Variants in GAN observed in about 807,000 individuals in gnomAD.
GAN encodes epididymis secretory sperm binding protein.
In GAN, 48 loss-of-function variants were observed where a neutral mutation model predicts 71.3. The ratio of observed to expected loss-of-function variants is 0.67; its 90% CI spans 0.53 to 0.86. The LOEUF is 0.86. GAN is among the 40% of genes least tolerant of loss of function. The pLI is 0.00. For synonymous variants in GAN, 386 were observed against 276.8 expected (o/e 1.39, Z -3.92); for missense variants, 928 against 770.1 (o/e 1.21, Z -2.43).
At position 81,389,829 on chromosome 16, in the gene GAN, C is replaced by T. The variant is rs1043374444; in HGVS notation, c.*12233C>T. The T allele has an allele frequency of 1.3e-5, 2 of 152,218 alleles. No homozygotes were observed. Among genetic ancestry groups the T allele is most frequent in the Non-Finnish European group, 2.9e-5 (2 of 68,056 alleles). The allele number at this position is 152,218 out of a possible 1,614,324, so 9.4% of individuals were successfully genotyped here. A position where few individuals can be genotyped will look rare whatever the true frequency, so the allele number is the denominator to read the frequency against. ...GCTCATGCCAGTGTTGTGCTGGACC[C>T]TCGAGTATGTGACTGTCACCCTTGT... On this transcript the variant is annotated 3_prime_UTR_variant, in exon 11 of 11. Transcript: ENST00000648994.
intron 1 of GAN, among the ~76,000 whole-genome samples, chr16:81,335,618 A>C (rs1178848925): frequency 1.3e-5 from 2 of 151,906 alleles, no homozygotes; most frequent in Middle Eastern, 3.2e-3. Flanking sequence ...GTGGTGGCGC[A>C]CACTTGCAAT....
chr16:81,322,213 A>G (rs1262514314), intron 1 of GAN, among the ~76,000 whole-genome samples: 1 of 152,266 alleles, frequency 6.6e-6, no homozygotes, highest in Non-Finnish European at 1.5e-5. Context: ...ATTTGCTATT[A>G]TAGTGAAGGG....
At chr16:81,334,709 A>T (rs1157958142) in intron 1 of GAN, among the ~76,000 whole-genome samples, 1 of 152,188 alleles carries the variant, frequency 6.6e-6, no homozygotes, top group African/African-American at 2.4e-5. Flanking sequence ...TTCTCATTTG[A>T]GGACAAACCA....
At chr16:81,345,241 C>G (rs1910079010) in intron 1 of GAN, among the ~76,000 whole-genome samples, 1 of 152,174 alleles carries the variant, frequency 6.6e-6, no homozygotes, top group Admixed American at 6.5e-5. Flanking sequence ...CCCAGCAATC[C>G]CATTACTGGG....
intron 9 of GAN, among the ~76,000 whole-genome samples, chr16:81,366,486 T>A (rs2150692603): frequency 6.6e-6 from 1 of 152,296 alleles, no homozygotes; most frequent in East Asian, 1.9e-4. Context: ...GAAATTGCTG[T>A]GCTAAACGTA....
At chr16:81,365,234 G>A (rs1428094737) in intron 8 of GAN, 116 bp from the exon 9 acceptor site, 1 of 1,567,252 alleles carries the variant, frequency 6.4e-7, no homozygotes, top group Admixed American at 1.7e-5. Flanking sequence ...GGCATTTCCT[G>A]AGAAAGGAAG....
chr16:81,355,474 C>G (rs1567491872), intron 3 of GAN, among the ~76,000 whole-genome samples: 1 of 152,174 alleles, frequency 6.6e-6, no homozygotes, highest in Non-Finnish European at 1.5e-5. Context: ...AAGTGATCTT[C>G]CCACCTCAGC....
At chr16:81,373,948 G>C (rs1016653206) in intron 9 of GAN, among the ~76,000 whole-genome samples, 17 of 152,156 alleles carry the variant, frequency 1.1e-4, no homozygotes, top group African/African-American at 4.1e-4. Flanking sequence ...TCACCATGTT[G>C]GCCAGGATGG....
At chr16:81,318,157 CAA>C (rs1007844773) in intron 1 of GAN, among the ~76,000 whole-genome samples, 15 of 152,178 alleles carry the variant, frequency 9.9e-5, no homozygotes, top group African/African-American at 3.4e-4. Context: ...TATATTGAAA[CAA>C]AATATATTTA....
chr16:81,349,323 A>C (rs1239055879), intron 1 of GAN, among the ~76,000 whole-genome samples: 1 of 152,072 alleles, frequency 6.6e-6, no homozygotes, highest in African/African-American at 2.4e-5. Flanking sequence ...CAGATACTCC[A>C]AGTCAGTTAC....
chr16:81,328,239 G>C (rs985081233), intron 1 of GAN, among the ~76,000 whole-genome samples: 1 of 152,304 alleles, frequency 6.6e-6, no homozygotes, highest in Non-Finnish European at 1.5e-5. Context: ...GTTCTGAACA[G>C]TATACTTAAT....
chr16:81,330,535 A>C (rs1368600633), intron 1 of GAN, among the ~76,000 whole-genome samples: 1 of 152,256 alleles, frequency 6.6e-6, no homozygotes, highest in African/African-American at 2.4e-5. Context: ...GAATGAATGC[A>C]TGAATAAACT....
chr16:81,377,243 T>A lies in GAN; in HGVS notation c.1527T>A (p.Asn509Lys). The change falls in exon 10 of 11, where the codon AAT becomes AAA. Residue 509 changes from asparagine to lysine, a missense_variant. Physicochemically the swap from Asn to Lys is moderately conservative, Grantham distance 94. Coordinates refer to ENST00000648994, the MANE Select transcript of GAN (RefSeq NM_022041.4). ...GGTGGATCTATCTTAACGACCAGAATTTATGCATCCCCGCCAGTTCCTCTT... is the reference window on the plus strand; with the variant it reads ...GGTGGATCTATCTTAACGACCAGAAATTATGCATCCCCGCCAGTTCCTCTT... ...FKRWIYLNDQ[N>K]LCIPASSSFV... 1 of 1,610,350 alleles carries A rather than the reference T, an allele frequency of 6.2e-7. No individual in the cohort carries two copies. Among genetic ancestry groups the A allele is most frequent in the Non-Finnish European group, 8.5e-7 (1 of 1,176,542 alleles).
At chr16:81,347,967 C>T (rs1910175372) in intron 1 of GAN, among the ~76,000 whole-genome samples, 1 of 151,852 alleles carries the variant, frequency 6.6e-6, no homozygotes, top group Admixed American at 6.6e-5. Context: ...CTGGACTGAT[C>T]TTCCAGTTTT....
chr16:81,315,348 C>A (rs888456433), intron 1 of GAN, 68 bp downstream of exon 1: 105 of 1,198,640 alleles, frequency 8.8e-5, no homozygotes, highest in Non-Finnish European at 1.1e-4. Context: ...GCGGCCGGGC[C>A]GGGCGTGGCC....
chr16:81,355,142 G>C (rs781629858), intron 3 of GAN, among the ~76,000 whole-genome samples: 1 of 152,276 alleles, frequency 6.6e-6, no homozygotes, highest in South Asian at 2.1e-4. Context: ...CAGCAGGCAG[G>C]GGGGTGGCAC....
intron 1 of GAN, among the ~76,000 whole-genome samples, chr16:81,340,596 A>G (rs932152167): frequency 6.6e-6 from 1 of 152,102 alleles, no homozygotes; most frequent in Non-Finnish European, 1.5e-5. Flanking sequence ...ATCAACATCA[A>G]CAAAAAGGAC....
chr16:81,355,602 A>T (rs187394588), intron 3 of GAN, among the ~76,000 whole-genome samples: 1 of 152,160 alleles, frequency 6.6e-6, no homozygotes, highest in African/African-American at 2.4e-5. Flanking sequence ...TGCTCAAGCA[A>T]TCCTCCCACT....
chr16:81,372,711 G>A (rs1002987762), intron 9 of GAN, among the ~76,000 whole-genome samples: 2 of 152,196 alleles, frequency 1.3e-5, no homozygotes, highest in South Asian at 2.1e-4. Context: ...ATGTTGGTTG[G>A]TTTCATTCAG....
Sources: gnomAD v4.1 joint callset for allele counts (sites outside exome capture counted in the v4.1 genomes callset) on GRCh38, gnomAD v4.1.1 for gene constraint, MANE v1.5 for transcripts, NCBI Gene and HGNC (gene_info 2026-07-23, HGNC 2026-07-21) for gene names.